M1AP: variants seen among roughly 807,000 people sequenced by gnomAD.
M1AP encodes the protein meiosis 1 arrest protein.
A neutral mutation model predicts 51.2 loss-of-function variants in M1AP; 39 were observed. The ratio of observed to expected loss-of-function variants is 0.76; its 90% confidence interval spans 0.59 to 1.00. The LOEUF (loss-of-function observed/expected upper bound fraction) is 1.00, where lower values mean the gene tolerates loss of function less well. Among genes scored for constraint, M1AP ranks in the 50% least tolerant of loss-of-function variants. The pLI is 0.00. For missense variants in M1AP, 545 were observed against 641.2 expected (o/e 0.85, Z 1.62); for synonymous variants, 251 against 249.2 (o/e 1.01, Z -0.07).
rs1677710671 is a variant in M1AP, at chr2:74,558,992, C to G, written c.1435-118G>C. 18 of 1,007,764 alleles carry G rather than the reference C, an allele frequency of 1.8e-5. No homozygotes were observed. In the East Asian group the frequency reaches 5.0e-4, roughly 28 times the overall value. 62.4% of individuals were successfully genotyped at this position (1,007,764 alleles called of 1,614,324 possible). ...TAAGTTCATTCCCTGGAGTGACAGCCTCAAGGCCGAGGACAGTGATCTGGA... is the reference window on the plus strand; with the variant it reads ...TAAGTTCATTCCCTGGAGTGACAGCGTCAAGGCCGAGGACAGTGATCTGGA... On this transcript the variant is annotated intron_variant, in intron 10 of 10. Transcript: ENST00000421985.
intron 1 of M1AP, chr2:74,647,231 T>A: frequency 1.0e-5 from 10 of 985,224 alleles, no homozygotes; most frequent in Non-Finnish European, 1.2e-5. Context: ...CAACTCTCCA[T>A]CCTCACACTA....
At chr2:74,570,646 CAG>C (rs1446844591) in intron 7 of M1AP, among the ~76,000 whole-genome samples, 1 of 152,066 alleles carries the variant, frequency 6.6e-6, no homozygotes, top group African/African-American at 2.4e-5. Flanking sequence ...TTTGAACACA[CAG>C]AGATGAGAGA....
At chr2:74,582,718 C>T (rs1005033961) in intron 4 of M1AP, among the ~76,000 whole-genome samples, 1 of 151,962 alleles carries the variant, frequency 6.6e-6, no homozygotes, top group Non-Finnish European at 1.5e-5. Flanking sequence ...TTGTGCATTT[C>T]TTGTGTTAAA....
chr2:74,573,219 T>A (rs1427009116), intron 7 of M1AP, among the ~76,000 whole-genome samples: 1 of 151,246 alleles, frequency 6.6e-6, no homozygotes, highest in Non-Finnish European at 1.5e-5. Flanking sequence ...GCTAATTTTT[T>A]ATTTTATTTT....
chr2:74,561,142 A>AGGAGGAGGAGGAGGAGGAGGAGGAGAAGG (rs1677937522), intron 8 of M1AP, among the ~76,000 whole-genome samples: 1 of 21,304 alleles, frequency 4.7e-5, no homozygotes, highest in Non-Finnish European at 1.0e-4. Context: ...GGAGGAGGAG[A>AGGAGGAGGAGGAGGAGGAGGAGGAGAAGG]AGGAGGAGGA....
chr2:74,627,832 T>C (rs900471385), intron 2 of M1AP, among the ~76,000 whole-genome samples: 1 of 152,190 alleles, frequency 6.6e-6, no homozygotes, highest in Non-Finnish European at 1.5e-5. Flanking sequence ...CATATTAAAA[T>C]CTAACAATTA....
intron 1 of M1AP, chr2:74,647,244 C>T (rs72909218): frequency 1.0e-6 from 1 of 985,212 alleles, no homozygotes; most frequent in Non-Finnish European, 1.2e-6. Flanking sequence ...TCACACTAGG[C>T]CCTCCCCTGC....
chr2:74,582,818 C>G (rs1442242901), intron 4 of M1AP, among the ~76,000 whole-genome samples: 1 of 152,032 alleles, frequency 6.6e-6, no homozygotes, highest in Non-Finnish European at 1.5e-5. Context: ...CTGAGGAGTT[C>G]AAGACCAGCC....
At chr2:74,560,372 G>C in intron 8 of M1AP, 81 bp from the exon 9 acceptor site, 2 of 1,407,998 alleles carry the variant, frequency 1.4e-6, no homozygotes, top group Non-Finnish European at 1.9e-6. Context: ...CCAGGAGTGT[G>C]AGGGGCTGGA....
At chr2:74,568,100 C>A (rs1043490549) in intron 7 of M1AP, among the ~76,000 whole-genome samples, 1 of 152,200 alleles carries the variant, frequency 6.6e-6, no homozygotes, top group Non-Finnish European at 1.5e-5. Flanking sequence ...AGTGAAGAGG[C>A]AGTGGTTGAA....
At chr2:74,558,974 A>G in intron 10 of M1AP, 100 bp from the exon 11 acceptor site, 1 of 1,209,172 alleles carries the variant, frequency 8.3e-7, no homozygotes, top group Non-Finnish European at 1.1e-6. Flanking sequence ...TCCTAAGTTC[A>G]TTCCCTGGAG....
At position 74,640,036 on chromosome 2, in the gene M1AP, C is replaced by A. The variant is rs766523930; in HGVS notation, c.240G>T (p.Val80=). The stretch of plus-strand genomic sequence containing the variant: ...AATGAATAAATATAGATATACTTAC[C>A]ACAAAAGGGAGGATGCACTCATGCT... ...QDQHECILPF[V]QVKGNFARLQ... is the part of the protein sequence containing the mutation. Residue 80 remains valine (V), a splice_region_variant and synonymous_variant, in exon 2 of 11, where the codon GTG becomes GTT. Transcript: ENST00000421985. The A allele has an allele frequency of 6.2e-7, 1 of 1,613,144 alleles. No individual in the cohort carries two copies. The highest frequency in any genetic ancestry group is 1.7e-5 in the Admixed American group (1 of 59,990).
At chr2:74,576,750 G>A in intron 5 of M1AP, 132 bp from the exon 6 acceptor site, 1 of 1,251,068 alleles carries the variant, frequency 8.0e-7, no homozygotes. Context: ...GCAAGCAAGG[G>A]ATAGGAGGAG....
intron 2 of M1AP, among the ~76,000 whole-genome samples, chr2:74,625,946 T>G (rs768877117): frequency 6.6e-6 from 1 of 152,242 alleles, no homozygotes; most frequent in Non-Finnish European, 1.5e-5. Context: ...CTGGGCATCC[T>G]GCCTACACTC....
intron 4 of M1AP, among the ~76,000 whole-genome samples, chr2:74,592,307 G>A (rs1273039644): frequency 6.6e-6 from 1 of 152,066 alleles, no homozygotes; most frequent in African/African-American, 2.4e-5. Context: ...ACTTCTATTG[G>A]TGTCATACTT....
intron 5 of M1AP, among the ~76,000 whole-genome samples, chr2:74,580,800 A>T (rs1679359363): frequency 6.6e-6 from 1 of 152,160 alleles, no homozygotes; most frequent in Non-Finnish European, 1.5e-5. Flanking sequence ...AGCCACTACC[A>T]CTACCAGTAT....
chr2:74,637,857 T>C (rs1683072994), intron 2 of M1AP, among the ~76,000 whole-genome samples: 1 of 152,148 alleles, frequency 6.6e-6, no homozygotes, highest in Non-Finnish European at 1.5e-5. Context: ...AGTACTCTGC[T>C]GAATACTCAA....
chr2:74,558,711 G>C lies in M1AP; in HGVS notation c.*5C>G. 3 of 1,611,584 alleles carry C rather than the reference G, an allele frequency of 1.9e-6. No individual in the cohort carries two copies. Among genetic ancestry groups the C allele is most frequent in the Non-Finnish European group, 2.5e-6 (3 of 1,178,998 alleles). On this transcript the variant is annotated 3_prime_UTR_variant, in exon 11 of 11. Coordinates refer to ENST00000421985, the MANE Select transcript of M1AP (RefSeq NM_001321739.2). ...GCTGGGCAGCTGGGCTCTGGTGCTGGTGACTTAGGGCCTTGAGGGATCCTT... is the reference window on the plus strand; with the variant it reads ...GCTGGGCAGCTGGGCTCTGGTGCTGCTGACTTAGGGCCTTGAGGGATCCTT...
intron 7 of M1AP, among the ~76,000 whole-genome samples, chr2:74,569,378 T>C (rs932642567): frequency 8.6e-5 from 11 of 127,360 alleles, no homozygotes; most frequent in Non-Finnish European, 1.6e-4. Context: ...CTCACTCTAC[T>C]TTTTTTTTTT....
Sources: gnomAD v4.1 joint callset for allele counts (sites outside exome capture counted in the v4.1 genomes callset) on GRCh38, gnomAD v4.1.1 for gene constraint, MANE v1.5 for transcripts, NCBI Gene and HGNC (gene_info 2026-07-23, HGNC 2026-07-21) for gene names.